Variants in OTOP1 observed in about 807,000 individuals in gnomAD.
OTOP1 encodes the protein proton channel OTOP1.
Under a neutral mutation model 52.9 loss-of-function variants are expected in OTOP1, and 59 were observed. The observed-to-expected ratio is 1.12, with a 90% CI of 0.91 to 1.39. The LOEUF is 1.39. OTOP1 is among the 40% of genes most tolerant of loss of function. The pLI is 0.00. For missense variants in OTOP1, 761 were observed against 800.9 expected (o/e 0.95, Z 0.60); for synonymous variants, 317 against 337.7 (o/e 0.94, Z 0.67).
intron 4 of OTOP1, among the ~76,000 whole-genome samples, chr4:4,198,340 G>A (rs1017983999): frequency 2.0e-5 from 3 of 152,096 alleles, no homozygotes; most frequent in Non-Finnish European, 4.4e-5. Context: ...TGCCAAAGAG[G>A]ATAGAGAAGA....
rs141287214 is a variant in OTOP1 at position 4,219,809 on chromosome 4, G to A, written c.403+6653C>T. On this transcript the variant is annotated intron_variant, in intron 1 of 5. Coordinates refer to ENST00000296358, the MANE Select transcript of OTOP1 (RefSeq NM_177998.3). ...CATATATATGTATAAATATATATAC[G>A]TGTATATATGTATACATATGTGTAT... Among the ~76,000 whole-genome samples the A allele has an allele frequency of 4.1e-4, 57 of 139,932 alleles. No individual in the cohort carries two copies. The East Asian group carries it at 7.3e-3, about 18-fold the overall frequency. The allele number at this position is 139,932 out of a possible 152,430, so 91.8% of individuals were successfully genotyped here. A position where few individuals can be genotyped will look rare whatever the true frequency, so the allele number is the denominator to read the frequency against.
intron 5 of OTOP1, among the ~76,000 whole-genome samples, chr4:4,189,410 T>C (rs1716454423): frequency 6.6e-6 from 1 of 152,240 alleles, no homozygotes; most frequent in Admixed American, 6.5e-5. Flanking sequence ...CAGACTCTTT[T>C]GTGTCCCAGT....
At chr4:4,219,897 A>G (rs552388189) in intron 1 of OTOP1, among the ~76,000 whole-genome samples, 2 of 141,712 alleles carry the variant, frequency 1.4e-5, no homozygotes, top group Admixed American at 1.4e-4. Context: ...ACATATATGT[A>G]TACACATATA....
At chr4:4,224,279 G>A (rs1162071085) in intron 1 of OTOP1, among the ~76,000 whole-genome samples, 1 of 151,704 alleles carries the variant, frequency 6.6e-6, no homozygotes, top group Admixed American at 6.6e-5. Flanking sequence ...CCCGGGAGGT[G>A]GAGGTTGCAG....
chr4:4,225,566 C>CAAAAAAAAAA (rs60600637), intron 1 of OTOP1, among the ~76,000 whole-genome samples: 53 of 111,466 alleles, frequency 4.8e-4, no homozygotes, highest in African/African-American at 1.8e-3. Flanking sequence ...AACATTGTCT[C>CAAAAAAAAAA]AAAAAAAAAA....
chr4:4,202,305 C>G, intron 4 of OTOP1, 143 bp downstream of exon 4: 1 of 1,120,744 alleles, frequency 8.9e-7, no homozygotes. Flanking sequence ...TTTTCAACAA[C>G]AGCGGGCTGT....
chr4:4,205,921 C>T, intron 3 of OTOP1, 151 bp downstream of exon 3: 1 of 694,564 alleles, frequency 1.4e-6, no homozygotes, highest in Non-Finnish European at 2.4e-6. Context: ...CAGTGACCCT[C>T]TTCTCTCAGC....
At chr4:4,216,198 A>G (rs568245960) in intron 1 of OTOP1, among the ~76,000 whole-genome samples, 123 of 152,368 alleles carry the variant, frequency 8.1e-4, no homozygotes, top group African/African-American at 2.9e-3. Flanking sequence ...GCAATCTTTG[A>G]TAATATAATG....
At chr4:4,223,341 G>A (rs1270143025) in intron 1 of OTOP1, among the ~76,000 whole-genome samples, 2 of 152,100 alleles carry the variant, frequency 1.3e-5, no homozygotes, top group African/African-American at 4.8e-5. Context: ...GCCAATGCTC[G>A]GAGTCAACCT....
At position 4,197,356 on chromosome 4, in the gene OTOP1, T is replaced by C; in HGVS notation, c.1478A>G (p.Lys493Arg). The part of the protein sequence containing the change: ...GVARDVAPQG[K>R]DMPPAANGNV... ...TCCATTGGCTGCTGGTGGCATGTCC[T>C]TGCCCTGGGGAGCCACATCTCTGGC... Residue 493 changes from lysine (K) to arginine (R), a missense_variant, in exon 5 of 6, where the codon AAG becomes AGG. Transcript: ENST00000296358. 1 of 1,614,032 alleles carries C rather than the reference T, an allele frequency of 6.2e-7. No homozygotes were observed. The highest frequency in any genetic ancestry group is 1.6e-4 in the Middle Eastern group (1 of 6,062).
chr4:4,211,723 C>G (rs1717030964), intron 2 of OTOP1, among the ~76,000 whole-genome samples: 2 of 152,082 alleles, frequency 1.3e-5, no homozygotes, highest in African/African-American at 4.8e-5. Flanking sequence ...GATGGCACCA[C>G]TGCACTCCAC....
intron 2 of OTOP1, among the ~76,000 whole-genome samples, chr4:4,212,362 A>T (rs1168700741): frequency 1.3e-5 from 2 of 152,196 alleles, no homozygotes; most frequent in Admixed American, 6.6e-5. Context: ...CAAACGAGAA[A>T]ACAAAAGTGT....
intron 4 of OTOP1, 92 bp downstream of exon 4, chr4:4,202,356 A>G (rs1010845255): frequency 8.9e-6 from 14 of 1,573,922 alleles, no homozygotes; most frequent in South Asian, 5.6e-5. Context: ...GTTCTTTGGA[A>G]CCTGCACTCC....
intron 4 of OTOP1, 41 bp downstream of exon 4, chr4:4,202,407 C>G (rs749496641): frequency 1.2e-6 from 2 of 1,610,222 alleles, no homozygotes; most frequent in Non-Finnish European, 1.7e-6. Context: ...CCAAGACATT[C>G]CAACATGGCA....
At chr4:4,191,788 T>C (rs1446148925) in intron 5 of OTOP1, among the ~76,000 whole-genome samples, 2 of 152,212 alleles carry the variant, frequency 1.3e-5, no homozygotes, top group Non-Finnish European at 2.9e-5. Flanking sequence ...TGCTGTTGCC[T>C]GGTTTGTAAG....
chr4:4,206,850 C>T (rs957509339), intron 2 of OTOP1, among the ~76,000 whole-genome samples: 3 of 152,144 alleles, frequency 2.0e-5, no homozygotes, highest in Admixed American at 6.5e-5. Flanking sequence ...CCTGAAGAAG[C>T]GTGTATGTTT....
chr4:4,214,933 G>T (rs1717106633), intron 1 of OTOP1, among the ~76,000 whole-genome samples: 1 of 152,010 alleles, frequency 6.6e-6, no homozygotes, highest in Non-Finnish European at 1.5e-5. Context: ...CTGGTAAGTT[G>T]GTAAATTTTA....
intron 1 of OTOP1, among the ~76,000 whole-genome samples, chr4:4,214,266 G>T (rs1230955396): frequency 1.3e-5 from 2 of 152,000 alleles, no homozygotes. Context: ...CACACTATCA[G>T]GATGGCTACT....
At chr4:4,212,711 T>C (rs970057425) in intron 2 of OTOP1, among the ~76,000 whole-genome samples, 157 bp downstream of exon 2, 4 of 152,222 alleles carry the variant, frequency 2.6e-5, no homozygotes, top group Admixed American at 6.5e-5. Flanking sequence ...TGGAGGCAGC[T>C]GAAGAACTAA....
Sources: allele counts gnomAD v4.1 joint callset (sites outside exome capture counted in the v4.1 genomes callset), GRCh38; gene constraint gnomAD v4.1.1; transcripts MANE v1.5; gene names NCBI Gene and HGNC (gene_info 2026-07-23, HGNC 2026-07-21).